Variants in ZCWPW2 observed in about 807,000 individuals in gnomAD.
The protein encoded by ZCWPW2 is zinc finger CW-type and PWWP domain containing 2, also known as zinc finger CW-type PWWP domain protein 2.
ZCWPW2 carries 45 observed loss-of-function variants against 46.6 expected under a neutral mutation model. The ratio of observed to expected loss-of-function variants is 0.96; its 90% CI spans 0.76 to 1.24. The LOEUF is 1.24. Ranked by LOEUF, ZCWPW2 falls within the 50% of genes most tolerant of loss-of-function variation. The probability of loss-of-function intolerance (pLI) is 0.00; values close to 1 mark genes in which losing one functional copy is unlikely to be tolerated. For missense variants in ZCWPW2, 429 were observed against 403.9 expected, an observed-to-expected ratio of 1.06 and a Z score of -0.53; for synonymous variants, 152 against 137.1, an observed-to-expected ratio of 1.11 and a Z score of -0.76.
intron 2 of ZCWPW2, among the ~76,000 whole-genome samples, chr3:28,395,731 T>TGG (rs928006903): frequency 1.1e-4 from 16 of 152,076 alleles, no homozygotes; most frequent in African/African-American, 3.9e-4. Flanking sequence ...AGTAGAAGGG[T>TGG]GGTTACCGGA....
intron 3 of ZCWPW2, among the ~76,000 whole-genome samples, chr3:28,434,489 A>G (rs1027663149): frequency 1.3e-5 from 2 of 152,224 alleles, no homozygotes; most frequent in Admixed American, 6.5e-5. Flanking sequence ...TGTTTTTAAT[A>G]AAGAATAAAT....
Position 28,525,964 on chromosome 3 carries a change from G to A in ZCWPW2, c.*1276G>A, listed in dbSNP as rs1018916303. 6.6e-6 allele frequency among the ~76,000 whole-genome samples: 1 copy of A among 152,100 alleles called. No homozygotes were observed. The highest frequency in any genetic ancestry group is 1.5e-5 in the Non-Finnish European group (1 of 68,008). The stretch of plus-strand genomic sequence containing the variant: ...ATATAACCAGTAAATAGAAGGCCTG[G>A]AAGTTGAGTACATCTCTGTCAGGTT... On this transcript the variant is annotated 3_prime_UTR_variant, in exon 10 of 10. Transcript: ENST00000383768.
chr3:28,366,799 T>G (rs542322276), intron 1 of ZCWPW2, among the ~76,000 whole-genome samples: 45 of 152,336 alleles, frequency 3.0e-4, no homozygotes, highest in African/African-American at 1.1e-3. Flanking sequence ...GGTAAGCTAT[T>G]AATTATTGCC....
At chr3:28,425,964 C>T (rs1696991092) in intron 3 of ZCWPW2, among the ~76,000 whole-genome samples, 1 of 152,032 alleles carries the variant, frequency 6.6e-6, no homozygotes, top group African/African-American at 2.4e-5. Context: ...TCAAAATTAG[C>T]TGGGCGTGGT....
chr3:28,387,971 A>T (rs1575076701), intron 1 of ZCWPW2, among the ~76,000 whole-genome samples: 1 of 152,160 alleles, frequency 6.6e-6, no homozygotes, highest in African/African-American at 2.4e-5. Context: ...AGAGAGATTT[A>T]TTTCAAGCAA....
chr3:28,439,309 C>T (rs1394706700), intron 4 of ZCWPW2, among the ~76,000 whole-genome samples: 1 of 151,912 alleles, frequency 6.6e-6, no homozygotes, highest in Non-Finnish European at 1.5e-5. Context: ...GGGCAGGAAG[C>T]ATCCAGCACG....
At chr3:28,522,467 G>C (rs1360450087) in intron 9 of ZCWPW2, among the ~76,000 whole-genome samples, 1 of 152,126 alleles carries the variant, frequency 6.6e-6, no homozygotes, top group Non-Finnish European at 1.5e-5. Context: ...TGTAGAAAAA[G>C]ATGGATTTAT....
intron 1 of ZCWPW2, among the ~76,000 whole-genome samples, chr3:28,378,285 GA>G (rs1559479706): frequency 6.6e-6 from 1 of 151,658 alleles, no homozygotes; most frequent in Non-Finnish European, 1.5e-5. Context: ...AAGATTAGAA[GA>G]AAACTAAATA....
intron 1 of ZCWPW2, among the ~76,000 whole-genome samples, chr3:28,357,848 A>G (rs1035500803): frequency 6.8e-6 from 1 of 147,438 alleles, no homozygotes; most frequent in Admixed American, 6.8e-5. Context: ...TGTGCATCCT[A>G]TTGGTTCTGT....
chr3:28,492,092 C>CT, intron 5 of ZCWPW2, 35 bp from the exon 6 acceptor site: 1 of 1,603,536 alleles, frequency 6.2e-7, no homozygotes, highest in Non-Finnish European at 8.5e-7. Context: ...AACATAGGCA[C>CT]TTTTTTGAAG....
At position 28,362,468 on chromosome 3, in the gene ZCWPW2, A is replaced by G. The variant is rs138127514; in HGVS notation, c.-134+13265A>G. Among the ~76,000 whole-genome samples the G allele has an allele frequency of 2.4e-3, 373 of 152,312 alleles. 1 individual carries two copies. The highest frequency in any genetic ancestry group is 8.2e-3 in the African/African-American group (340 of 41,572). Reference sequence around the variant, plus strand: ...AGACATACATGCGGCCAACAAGCATATGACAAAATGCTCAATATCATCATT... The same window carrying G: ...AGACATACATGCGGCCAACAAGCATGTGACAAAATGCTCAATATCATCATT... On this transcript the variant is annotated intron_variant, in intron 1 of 9. Coordinates refer to ENST00000383768, the MANE Select transcript of ZCWPW2 (RefSeq NM_001040432.4).
chr3:28,421,973 G>T (rs1007053312), intron 3 of ZCWPW2, among the ~76,000 whole-genome samples: 1 of 150,172 alleles, frequency 6.7e-6, no homozygotes, highest in Non-Finnish European at 1.5e-5. Flanking sequence ...AATTTCCTAG[G>T]TTTTTCTCTC....
chr3:28,483,888 C>G (rs1224057899), intron 5 of ZCWPW2, among the ~76,000 whole-genome samples: 1 of 151,994 alleles, frequency 6.6e-6, no homozygotes, highest in African/African-American at 2.4e-5. Flanking sequence ...TTGGTCTATT[C>G]TTTTGGATTT....
chr3:28,386,295 C>T (rs1023265852), intron 1 of ZCWPW2, among the ~76,000 whole-genome samples: 7 of 152,090 alleles, frequency 4.6e-5, no homozygotes, highest in African/African-American at 9.7e-5. Context: ...GATCCAGCAA[C>T]GAGGCATCAG....
chr3:28,427,693 G>T (rs945745142), intron 3 of ZCWPW2, among the ~76,000 whole-genome samples: 1 of 152,098 alleles, frequency 6.6e-6, no homozygotes, highest in Admixed American at 6.6e-5. Flanking sequence ...GCCCAATAGA[G>T]ATGTGATTTA....
At chr3:28,385,670 G>C (rs898442477) in intron 1 of ZCWPW2, among the ~76,000 whole-genome samples, 3 of 152,160 alleles carry the variant, frequency 2.0e-5, no homozygotes, top group Admixed American at 2.0e-4. Context: ...ATTGATTGCT[G>C]TAGGCTCTGG....
rs982660357 is a variant in ZCWPW2, at chr3:28,483,855, C to G, written c.610+4924C>G. 2.6e-5 allele frequency among the ~76,000 whole-genome samples: 4 copies of G among 152,090 alleles called. 1 individual carries two copies. The highest frequency in any genetic ancestry group is 4.4e-5 in the Non-Finnish European group (3 of 67,996). ...TTGTATCCTGCAACCTTGCTATAAT[C>G]TATTATTAATTACAGGGTTTTTTTG... On this transcript the variant is annotated intron_variant, in intron 5 of 9. Transcript: ENST00000383768.
chr3:28,411,623 C>T (rs1035017005), intron 2 of ZCWPW2, among the ~76,000 whole-genome samples: 3 of 152,042 alleles, frequency 2.0e-5, no homozygotes, highest in East Asian at 1.9e-4. Flanking sequence ...AGGGCAGAGA[C>T]TCTGTAAGTA....
intron 2 of ZCWPW2, among the ~76,000 whole-genome samples, chr3:28,402,374 A>G (rs1695981788): frequency 6.6e-6 from 1 of 152,186 alleles, no homozygotes. Context: ...AGCTTAAATC[A>G]GGAAGAATTA....
Sources: allele counts gnomAD v4.1 joint callset (sites outside exome capture counted in the v4.1 genomes callset), GRCh38; gene constraint gnomAD v4.1.1; transcripts MANE v1.5; gene names NCBI Gene and HGNC (gene_info 2026-07-23, HGNC 2026-07-21).